Variants in MYH14 observed in about 807,000 individuals in gnomAD.
The protein encoded by MYH14 is myosin-14.
MYH14 carries 123 observed loss-of-function variants against 255.5 expected under a neutral mutation model. The ratio of observed to expected loss-of-function variants is 0.48; its 90% CI spans 0.42 to 0.56. MYH14 has a LOEUF of 0.56. MYH14 is among the 20% of genes least tolerant of loss of function. The probability of loss-of-function intolerance (pLI) is 0.00; values close to 1 mark genes in which losing one functional copy is unlikely to be tolerated. For missense variants in MYH14, 2,423 were observed against 2,802.3 expected, an observed-to-expected ratio of 0.86 and a Z score of 3.06; for synonymous variants, 1,095 against 1,161.2, an observed-to-expected ratio of 0.94 and a Z score of 1.16.
chr19:50,253,088 T>G lies in MYH14; in HGVS notation c.1945+335T>G, dbSNP rs550098707. ...CTATGCAATCAGACCAGAAAAAGTATGAATATCGAACAGGAAGAAGTAAAC... is the reference window on the plus strand; with the variant it reads ...CTATGCAATCAGACCAGAAAAAGTAGGAATATCGAACAGGAAGAAGTAAAC... On this transcript the variant is annotated intron_variant, in intron 16 of 42. Transcript: ENST00000642316. Among the ~76,000 whole-genome samples the G allele has an allele frequency of 5.3e-5, 8 of 152,270 alleles. No homozygotes were observed. The East Asian group carries it at 1.5e-3, about 29-fold the overall frequency.
chr19:50,210,792 G>A (rs2032152820), intron 2 of MYH14, 22 bp downstream of exon 2: 3 of 1,542,224 alleles, frequency 1.9e-6, no homozygotes, highest in African/African-American at 1.4e-5. Context: ...CCTGCTGGGG[G>A]GCGCGTGCGG....
intron 12 of MYH14, 80 bp downstream of exon 12, chr19:50,247,202 T>TA: frequency 1.0e-6 from 1 of 973,012 alleles, no homozygotes; most frequent in African/African-American, 1.6e-5. Flanking sequence ...TATGCTGTTT[T>TA]TCCCACCACT....
chr19:50,284,056 G>C (rs1186098863), intron 33 of MYH14, among the ~76,000 whole-genome samples: 2 of 149,504 alleles, frequency 1.3e-5, no homozygotes, highest in Non-Finnish European at 3.0e-5. Flanking sequence ...TGGGCAACAA[G>C]AGTGAAACTC....
chr19:50,263,450 T>G, intron 22 of MYH14, 30 bp downstream of exon 22: 1 of 1,533,692 alleles, frequency 6.5e-7, no homozygotes, highest in South Asian at 1.2e-5. Context: ...GTGGCCCCAG[T>G]AGGGAGAGGA....
At chr19:50,207,198 C>T (rs1405945760) in intron 1 of MYH14, among the ~76,000 whole-genome samples, 1 of 147,722 alleles carries the variant, frequency 6.8e-6, no homozygotes, top group Non-Finnish European at 1.5e-5. Context: ...CACTCCAACT[C>T]CAGCCTGGGC....
At chr19:50,215,543 G>A (rs1001119824) in intron 2 of MYH14, among the ~76,000 whole-genome samples, 1 of 152,212 alleles carries the variant, frequency 6.6e-6, no homozygotes, top group East Asian at 1.9e-4. Flanking sequence ...CTGCTGGCCG[G>A]GCACAGTGGC....
intron 25 of MYH14, 72 bp from the exon 26 acceptor site, chr19:50,271,776 AG>A: frequency 6.3e-7 from 1 of 1,592,778 alleles, no homozygotes; most frequent in East Asian, 2.3e-5. Context: ...CAACACCAGA[AG>A]CTGCAGATCA....
chr19:50,276,242 C>T lies in MYH14; in HGVS notation c.3680+39C>T, dbSNP rs750883010. 35 of 1,435,748 alleles carry T rather than the reference C, an allele frequency of 2.4e-5. No individual in the cohort carries two copies. In the East Asian group the frequency reaches 8.5e-4, roughly 35 times the overall value. 88.9% of individuals were successfully genotyped at this position (1,435,748 alleles called of 1,614,324 possible). On this transcript the variant is annotated intron_variant, in intron 28 of 42. Coordinates refer to ENST00000642316, the MANE Select transcript of MYH14 (RefSeq NM_001145809.2). The surrounding 1 kb of genome is among the most constrained non-coding windows in gnomAD (Gnocchi z 4.3). ...GCAGGCCGCTGTCACAGCCTGTGCA[C>T]ATACAGGGCTGGGGGAAGGACTTAG...
intron 26 of MYH14, 21 bp from the exon 27 acceptor site, chr19:50,272,539 G>T: frequency 6.4e-7 from 1 of 1,556,360 alleles, no homozygotes; most frequent in Non-Finnish European, 8.7e-7. Context: ...CCTCATGCAC[G>T]GCCCCCACCC....
At chr19:50,237,774 T>G (rs1464506244) in intron 10 of MYH14, among the ~76,000 whole-genome samples, 2 of 152,232 alleles carry the variant, frequency 1.3e-5, no homozygotes, top group Non-Finnish European at 2.9e-5. Context: ...TCTTTGCTGA[T>G]GTGGCAGATG....
chr19:50,256,183 G>A (rs2034585625), intron 17 of MYH14, among the ~76,000 whole-genome samples: 1 of 152,048 alleles, frequency 6.6e-6, no homozygotes, highest in African/African-American at 2.4e-5. Context: ...GGAGGCTGAG[G>A]TAGGAAGATC....
At position 50,250,757 on chromosome 19, in the gene MYH14, G is replaced by A. The variant is rs147708911; in HGVS notation, c.1830+69G>A. 51 of 1,509,454 alleles carry A rather than the reference G, an allele frequency of 3.4e-5. No homozygotes were observed. In the South Asian group the frequency reaches 5.9e-4, roughly 18 times the overall value. The allele number at this position is 1,509,454 out of a possible 1,614,324, so 93.5% of individuals were successfully genotyped here. The stretch of plus-strand genomic sequence containing the variant: ...AAGGGATCTCCACTGGCTACAGATG[G>A]GGGGAGGGTGCAGAGGGAAAACAGG... On this transcript the variant is annotated intron_variant, in intron 15 of 42. Coordinates refer to ENST00000642316, the MANE Select transcript of MYH14 (RefSeq NM_001145809.2). The surrounding 1 kb of genome is among the most constrained non-coding windows in gnomAD (Gnocchi z 5.4).
At chr19:50,286,443 A>C in intron 33 of MYH14, 39 bp from the exon 34 acceptor site, 1 of 1,573,552 alleles carries the variant, frequency 6.4e-7, no homozygotes, top group Non-Finnish European at 8.7e-7. Flanking sequence ...CCTTTCAGCT[A>C]ATCTATTTCC....
In MYH14 at chr19:50,286,501, C is replaced by T. The variant is rs766939918; in HGVS notation, c.4559C>T (p.Ala1520Val). ...KFDQLLAEEKAAVLRAVEERE... is the reference protein window; with the variant it reads ...KFDQLLAEEKVAVLRAVEERE... Reference sequence around the variant, plus strand: ...TGGAAGCTTCTGGCAGAGGAGAAGGCAGCTGTACTTCGGGCAGTGGAGGAA... The same window carrying T: ...TGGAAGCTTCTGGCAGAGGAGAAGGTAGCTGTACTTCGGGCAGTGGAGGAA... Residue 1520 changes from alanine (A) to valine (V), a missense_variant, in exon 34 of 43, where the codon GCA becomes GTA. Physicochemically the swap from Ala to Val is moderately conservative, Grantham distance 64. Around this residue, in one of 3 missense-constraint regions of MYH14, gnomAD observed 1,513 missense variants for 1,674.8 expected, o/e 0.90. Transcript: ENST00000642316. 1 of 1,613,202 alleles carries T rather than the reference C, an allele frequency of 6.2e-7. No individual in the cohort carries two copies. The highest frequency in any genetic ancestry group is 1.3e-5 in the African/African-American group (1 of 75,054).
Position 50,252,943 on chromosome 19 carries a change from A to G in MYH14, c.1945+190A>G, listed in dbSNP as rs1018765870. Among the ~76,000 whole-genome samples the G allele has an allele frequency of 6.6e-6, 1 of 152,198 alleles. No individual in the cohort carries two copies. The highest frequency in any genetic ancestry group is 1.5e-5 in the Non-Finnish European group (1 of 68,044). ...GGATCCATAGATTAATTGATTGACT[A>G]TTGATTTGATTGATAAGCCAGCATC... On this transcript the variant is annotated intron_variant, in intron 16 of 42. Transcript: ENST00000642316. The surrounding 1 kb of genome is among the most constrained non-coding windows in gnomAD (Gnocchi z 4.2).
intron 2 of MYH14, among the ~76,000 whole-genome samples, chr19:50,211,027 C>T (rs950331040): frequency 6.6e-6 from 1 of 152,146 alleles, no homozygotes; most frequent in East Asian, 1.9e-4. Context: ...TAAAACGTTC[C>T]AATTTCTCAG....
In MYH14 at chr19:50,260,758, TGTGC is replaced by T. The variant is rs749717747; in HGVS notation, c.2424+48_2424+51del. 6.0e-5 allele frequency: 87 copies of T among 1,452,052 alleles called. No individual in the cohort carries two copies. The African/African-American group carries it at 1.2e-3, about 20-fold the overall frequency. 89.9% of individuals were successfully genotyped at this position (1,452,052 alleles called of 1,614,324 possible). A position where few individuals can be genotyped will look rare whatever the true frequency, so the allele number is the denominator to read the frequency against. Reference sequence around the variant, plus strand: ...TGGAATGCGTGTGTGCGTGTGTGTGTGTGCGTGCATGAGTGTGCGTGCATGTGTG... The same window carrying T: ...TGGAATGCGTGTGTGCGTGTGTGTGTGTGCATGAGTGTGCGTGCATGTGTG... On this transcript the variant is annotated intron_variant, in intron 20 of 42. Coordinates refer to ENST00000642316, the MANE Select transcript of MYH14 (RefSeq NM_001145809.2).
chr19:50,225,761 C>A, intron 7 of MYH14, 84 bp downstream of exon 7: 1 of 866,918 alleles, frequency 1.2e-6, no homozygotes. Context: ...GGGAAAGACA[C>A]GTGGATCTGT....
At position 50,280,212 on chromosome 19, in the gene MYH14, C is replaced by A. The variant is rs2035664640; in HGVS notation, c.4138-19C>A. On this transcript the variant is annotated intron_variant, in intron 31 of 42. Transcript: ENST00000642316. The surrounding 1 kb of genome is among the most constrained non-coding windows in gnomAD (Gnocchi z 4.8). ...GTCCTCCCAGCCACACCTGACATTG[C>A]CGTCTCCTCCATCTACAGGAGCTGC... The A allele has an allele frequency of 6.4e-7, 1 of 1,553,712 alleles. No homozygotes were observed. Among genetic ancestry groups the A allele is most frequent in the African/African-American group, 1.4e-5 (1 of 73,252 alleles).
Sources: allele counts gnomAD v4.1 joint callset (sites outside exome capture counted in the v4.1 genomes callset), GRCh38; gene constraint gnomAD v4.1.1; regional missense constraint gnomAD v4.1.1; non-coding constraint Gnocchi (gnomAD v3.1); transcripts MANE v1.5; gene names NCBI Gene and HGNC (gene_info 2026-07-23, HGNC 2026-07-21).